IFT43: variants seen among roughly 807,000 people sequenced by gnomAD.
IFT43 encodes intraflagellar transport 43, also known as intraflagellar transport protein 43 homolog.
In IFT43, 33 loss-of-function variants were observed where a neutral mutation model predicts 32.3. The observed-to-expected ratio is 1.02, with a 90% CI of 0.77 to 1.37. The LOEUF is 1.37. IFT43 is among the 40% of genes most tolerant of loss of function. The probability of loss-of-function intolerance (pLI) is 0.00; values close to 1 mark genes in which losing one functional copy is unlikely to be tolerated. For synonymous variants in IFT43, 93 were observed against 98.2 expected, an observed-to-expected ratio of 0.95 and a Z score of 0.31; for missense variants, 274 against 265.9, an observed-to-expected ratio of 1.03 and a Z score of -0.21.
At chr14:76,070,714 G>T (rs1295168327) in intron 5 of IFT43, among the ~76,000 whole-genome samples, 1 of 152,072 alleles carries the variant, frequency 6.6e-6, no homozygotes, top group African/African-American at 2.4e-5. Flanking sequence ...CCATCCCCTT[G>T]GCGCTGTCCT....
chr14:76,057,802 T>A (rs939857953), intron 3 of IFT43, among the ~76,000 whole-genome samples: 3 of 152,140 alleles, frequency 2.0e-5, no homozygotes, highest in African/African-American at 7.2e-5. Flanking sequence ...AAAAACCCTA[T>A]GATGACAGAA....
chr14:75,988,819 G>C, intron 1 of IFT43, 66 bp from the exon 2 acceptor site: 8 of 1,610,968 alleles, frequency 5.0e-6, no homozygotes, highest in African/African-American at 1.3e-5. Context: ...CGCCCGGCTG[G>C]ATTGTCATCT....
At chr14:76,064,444 A>G (rs961528783) in intron 5 of IFT43, among the ~76,000 whole-genome samples, 1 of 152,336 alleles carries the variant, frequency 6.6e-6, no homozygotes, top group Admixed American at 6.5e-5. Context: ...AAGGAGGTAG[A>G]GTGTCTGCCA....
chr14:76,006,543 A>G (rs1009176687), intron 2 of IFT43, among the ~76,000 whole-genome samples: 8 of 152,208 alleles, frequency 5.3e-5, no homozygotes, highest in African/African-American at 1.9e-4. Flanking sequence ...TACTGATAGG[A>G]GAAATCCAAG....
At position 76,059,381 on chromosome 14, in the gene IFT43, GC is replaced by G. The variant is rs532601112; in HGVS notation, c.295+11del. 2.2e-4 allele frequency: 349 copies of G among 1,613,774 alleles called. 1 individual carries two copies. The African/African-American group carries it at 4.2e-3, about 19-fold the overall frequency. On this transcript the variant is annotated intron_variant, in intron 5 of 8. Transcript: ENST00000314067. Reference sequence around the variant, plus strand: ...GATCAGATTATGGAGGAGGTAAGAGGCCCTTGGAGGAAGTCAAAAGGTCTTC... The same window carrying G: ...GATCAGATTATGGAGGAGGTAAGAGGCCTTGGAGGAAGTCAAAAGGTCTTC...
chr14:76,058,708 C>G lies in IFT43; in HGVS notation c.248+34C>G. 3.1e-6 allele frequency: 5 copies of G among 1,610,390 alleles called. No homozygotes were observed. The South Asian group carries it at 5.5e-5, about 18-fold the overall frequency. On this transcript the variant is annotated intron_variant, in intron 4 of 8. Transcript: ENST00000314067. ...CCAGTATTCTTATTCTTATGGTATC[C>G]TATGTTGATCTTGGTCAACAGTGCA...
chr14:76,049,014 A>G (rs1240553403), intron 3 of IFT43, among the ~76,000 whole-genome samples: 1 of 152,218 alleles, frequency 6.6e-6, no homozygotes, highest in Admixed American at 6.5e-5. Context: ...ATGGTGGGTT[A>G]GTTACTAGAA....
At chr14:76,077,774 G>A (rs1354304563) in intron 5 of IFT43, among the ~76,000 whole-genome samples, 2 of 152,060 alleles carry the variant, frequency 1.3e-5, no homozygotes, top group Non-Finnish European at 2.9e-5. Context: ...CAACCACAAC[G>A]TCCCGCCTTC....
chr14:76,041,395 G>A (rs1380844153), intron 3 of IFT43, among the ~76,000 whole-genome samples: 1 of 152,148 alleles, frequency 6.6e-6, no homozygotes, highest in African/African-American at 2.4e-5. Flanking sequence ...TGTTTTTCTG[G>A]ACTGGTAGAA....
intron 2 of IFT43, among the ~76,000 whole-genome samples, chr14:76,018,838 TCTC>T (rs777006933): frequency 9.9e-5 from 15 of 152,056 alleles, no homozygotes; most frequent in Non-Finnish European, 1.9e-4. Context: ...AAGTATAGCT[TCTC>T]CTGCTTGCTT....
At chr14:76,056,133 CAGGCT>C (rs1390399251) in intron 3 of IFT43, among the ~76,000 whole-genome samples, 1 of 152,202 alleles carries the variant, frequency 6.6e-6, no homozygotes, top group African/African-American at 2.4e-5. Context: ...AACTCATCTG[CAGGCT>C]AGGTAAGGCT....
intron 5 of IFT43, among the ~76,000 whole-genome samples, chr14:76,064,390 T>A (rs1196987856): frequency 6.6e-6 from 1 of 152,206 alleles, no homozygotes; most frequent in Non-Finnish European, 1.5e-5. Flanking sequence ...ATTGGTTGCA[T>A]AGGACAGTAA....
intron 3 of IFT43, among the ~76,000 whole-genome samples, chr14:76,030,809 A>G (rs1399247214): frequency 6.6e-6 from 1 of 152,006 alleles, no homozygotes; most frequent in Admixed American, 6.6e-5. Context: ...TAAGGTTTTT[A>G]AAAATCCTTT....
At chr14:76,021,191 T>TA (rs1202974393) in intron 2 of IFT43, among the ~76,000 whole-genome samples, 1 of 151,868 alleles carries the variant, frequency 6.6e-6, no homozygotes, top group Non-Finnish European at 1.5e-5. Context: ...ACATGGGTGC[T>TA]AGTGGTGGTG....
downstream of IFT43, chr14:76,083,823 A>G: frequency 3.1e-6 from 2 of 644,042 alleles, no homozygotes; most frequent in East Asian, 6.2e-5. Context: ...GCTGATAGGA[A>G]CTCAGAACTC....
chr14:76,040,005 T>C (rs1405128785), intron 3 of IFT43, among the ~76,000 whole-genome samples: 7 of 152,146 alleles, frequency 4.6e-5, no homozygotes, highest in Non-Finnish European at 7.4e-5. Context: ...CAGGCTGGAG[T>C]GAGGTGGCGT....
intron 2 of IFT43, among the ~76,000 whole-genome samples, chr14:76,017,773 T>C (rs192923526): frequency 6.6e-6 from 1 of 152,326 alleles, no homozygotes; most frequent in East Asian, 1.9e-4. Context: ...CCTGGTTCAA[T>C]CTTGGTAGGT....
chr14:75,995,039 A>G (rs1324162697), intron 2 of IFT43, among the ~76,000 whole-genome samples: 2 of 152,228 alleles, frequency 1.3e-5, no homozygotes, highest in African/African-American at 4.8e-5. Context: ...AATAATCATC[A>G]TCATAGCTTA....
At position 76,074,955 on chromosome 14, in the gene IFT43, C is replaced by T. The variant is rs565606839; in HGVS notation, c.296-7340C>T. On this transcript the variant is annotated intron_variant, in intron 5 of 8. Coordinates refer to ENST00000314067, the MANE Select transcript of IFT43 (RefSeq NM_001102564.3). ...AGTCAGCTATTTTGATCTTCCTCCT[C>T]TTAAGGTCTGTGATCTTTTTTCCCC... Among the ~76,000 whole-genome samples the T allele has an allele frequency of 1.2e-4, 19 of 152,324 alleles. No homozygotes were observed. In the South Asian group the frequency reaches 3.7e-3, roughly 30 times the overall value.
Sources: gnomAD v4.1 joint callset for allele counts (sites outside exome capture counted in the v4.1 genomes callset) on GRCh38, gnomAD v4.1.1 for gene constraint, MANE v1.5 for transcripts, NCBI Gene and HGNC (gene_info 2026-07-23, HGNC 2026-07-21) for gene names.